Variants in XRCC6 observed in about 807,000 individuals in gnomAD.
XRCC6 encodes the protein DNA repair protein Ku70.
In XRCC6, 5 loss-of-function variants were observed where a neutral mutation model predicts 65.7. The observed-to-expected ratio is 0.08, with a 90% CI of 0.04 to 0.16. XRCC6 has a LOEUF of 0.16. Among genes scored for constraint, XRCC6 ranks in the 10% least tolerant of loss-of-function variants. The pLI is 1.00. For synonymous variants in XRCC6, 270 were observed against 270.6 expected (o/e 1.00, Z 0.02); for missense variants, 447 against 738.1 (o/e 0.61, Z 4.57).
chr22:41,625,624 G>T (rs2067661174), intron 2 of XRCC6, among the ~76,000 whole-genome samples: 1 of 152,094 alleles, frequency 6.6e-6, no homozygotes, highest in Non-Finnish European at 1.5e-5. Flanking sequence ...GCCTCTCTAG[G>T]TCCTTAGTAG....
chr22:41,660,499 A>AG (rs1377685607), intron 11 of XRCC6, among the ~76,000 whole-genome samples: 1 of 151,920 alleles, frequency 6.6e-6, no homozygotes, highest in African/African-American at 2.4e-5. Flanking sequence ...ACCCTCTTTC[A>AG]GTTCACCCTC....
At chr22:41,648,048 TCCC>T (rs2067954254) in intron 7 of XRCC6, 1 of 35,900 alleles carries the variant, frequency 2.8e-5, no homozygotes, top group Non-Finnish European at 6.1e-5. Context: ...TCCCCTCCCC[TCCC>T]CTCCCCTCCT....
intron 10 of XRCC6, among the ~76,000 whole-genome samples, chr22:41,657,296 T>C (rs2068053425): frequency 6.6e-6 from 1 of 152,158 alleles, no homozygotes; most frequent in Admixed American, 6.6e-5. Flanking sequence ...AGGATTCTTA[T>C]TCGCCCTTCT....
rs1403272875 is a variant in XRCC6 at position 41,661,202 on chromosome 22, AT to A, written c.1523-126del. 5.5e-6 allele frequency: 4 copies of A among 727,104 alleles called. No individual in the cohort carries two copies. The African/African-American group carries it at 7.1e-5, about 13-fold the overall frequency. The allele number at this position is 727,104 out of a possible 1,614,324, so 45.0% of individuals were successfully genotyped here. On this transcript the variant is annotated intron_variant, in intron 11 of 12. Transcript: ENST00000360079. ...GGTACTTGGTAAATGCTGGAAAGACATTTCCCTAGACCCCTCCCACCTTAGC... is the reference window on the plus strand; with the variant it reads ...GGTACTTGGTAAATGCTGGAAAGACATTCCCTAGACCCCTCCCACCTTAGC...
chr22:41,645,510 G>A (rs577358735), intron 6 of XRCC6, among the ~76,000 whole-genome samples: 6 of 152,038 alleles, frequency 3.9e-5, no homozygotes, highest in African/African-American at 1.2e-4. Context: ...AGATGAGAAC[G>A]TCCTATGGCC....
At position 41,658,315 on chromosome 22, in the gene XRCC6, G is replaced by A. The variant is rs762450127; in HGVS notation, c.1485G>A (p.Leu495=). The A allele has an allele frequency of 1.2e-5, 20 of 1,614,108 alleles. No individual in the cohort carries two copies. The highest frequency in any genetic ancestry group is 1.6e-5 in the Non-Finnish European group (19 of 1,180,020). ...TCAGGAACCTGGAGGCCTTGGCCTTGGATTTGATGGAGCCGGAACAAGCAG... is the reference window on the plus strand; with the variant it reads ...TCAGGAACCTGGAGGCCTTGGCCTTAGATTTGATGGAGCCGGAACAAGCAG... ...QHFRNLEALA[L]DLMEPEQAVD... Residue 495 remains leucine, a synonymous_variant, in exon 11 of 13, where the codon TTG becomes TTA. Coordinates refer to ENST00000360079, the MANE Select transcript of XRCC6 (RefSeq NM_001469.5).
chr22:41,651,747 C>T (rs188970748), intron 8 of XRCC6, among the ~76,000 whole-genome samples: 5 of 151,636 alleles, frequency 3.3e-5, no homozygotes, highest in South Asian at 4.2e-4. Context: ...AGTCTGGTCT[C>T]GAACTCCTGA....
At chr22:41,626,934 C>T (rs543580557) in intron 2 of XRCC6, among the ~76,000 whole-genome samples, 1 of 152,234 alleles carries the variant, frequency 6.6e-6, no homozygotes, top group South Asian at 2.1e-4. Context: ...GCCACTGCGC[C>T]CAGCCTAATG....
intron 9 of XRCC6, among the ~76,000 whole-genome samples, chr22:41,655,183 GAAAGTCATA>G (rs2068033568): frequency 6.6e-6 from 1 of 152,126 alleles, no homozygotes; most frequent in East Asian, 1.9e-4. Flanking sequence ...ATACTAAAGA[GAAAGTCATA>G]AAGTGCTTCC....
intron 4 of XRCC6, 41 bp from the exon 5 acceptor site, chr22:41,636,475 T>A: frequency 6.2e-7 from 1 of 1,605,034 alleles, no homozygotes; most frequent in Admixed American, 1.7e-5. Context: ...ACTGACATTC[T>A]TCTGATTTTT....
At chr22:41,662,557 G>T (rs1420135331) in intron 12 of XRCC6, among the ~76,000 whole-genome samples, 3 of 152,162 alleles carry the variant, frequency 2.0e-5, no homozygotes, top group Admixed American at 6.5e-5. Flanking sequence ...AGGCTGCAGA[G>T]TAGTTCATTG....
At chr22:41,643,736 A>G (rs1211652849) in intron 6 of XRCC6, among the ~76,000 whole-genome samples, 3 of 147,848 alleles carry the variant, frequency 2.0e-5, no homozygotes, top group Non-Finnish European at 4.5e-5. Flanking sequence ...CAGGAGAATC[A>G]CTTGAACTCG....
intron 9 of XRCC6, among the ~76,000 whole-genome samples, chr22:41,655,186 A>G (rs887600470): frequency 2.6e-5 from 4 of 152,340 alleles, no homozygotes; most frequent in African/African-American, 9.6e-5. Flanking sequence ...CTAAAGAGAA[A>G]GTCATAAAGT....
At chr22:41,659,688 T>A (rs2068082177) in intron 11 of XRCC6, among the ~76,000 whole-genome samples, 2 of 152,050 alleles carry the variant, frequency 1.3e-5, no homozygotes, top group African/African-American at 4.8e-5. Flanking sequence ...CTCAGTACAT[T>A]CATTCATTCA....
intron 2 of XRCC6, among the ~76,000 whole-genome samples, chr22:41,625,374 T>G (rs1423965291): frequency 1.3e-5 from 2 of 151,946 alleles, no homozygotes; most frequent in Non-Finnish European, 2.9e-5. Context: ...GGCTGTAATC[T>G]CAGCACTTTG....
chr22:41,621,537 T>G (rs2067604169), intron 1 of XRCC6, 192 bp downstream of exon 1: 1 of 167,260 alleles, frequency 6.0e-6, no homozygotes, highest in East Asian at 1.8e-4. Context: ...ACCTCGCGTT[T>G]GAGGCCCGCC....
In XRCC6 at chr22:41,622,101, C is replaced by T. The variant is rs1420530378; in HGVS notation, c.82+15C>T. On this transcript the variant is annotated intron_variant, in intron 2 of 12. Coordinates refer to ENST00000360079, the MANE Select transcript of XRCC6 (RefSeq NM_001469.5). ...TGAAGCAAGTGGTAAGTGACTTCAG[C>T]ATGTAGTGCCATTCGGTGTGTGGAA... The T allele has an allele frequency of 1.2e-6, 2 of 1,613,538 alleles. No individual in the cohort carries two copies. The highest frequency in any genetic ancestry group is 1.3e-5 in the African/African-American group (1 of 74,930).
At chr22:41,637,287 G>A (rs1180696367) in intron 5 of XRCC6, among the ~76,000 whole-genome samples, 4 of 151,976 alleles carry the variant, frequency 2.6e-5, no homozygotes, top group South Asian at 4.2e-4. Flanking sequence ...GTTTCACCAC[G>A]TTGACCAGGC....
chr22:41,643,645 G>A (rs1252184295), intron 6 of XRCC6, among the ~76,000 whole-genome samples: 1 of 151,634 alleles, frequency 6.6e-6, no homozygotes, highest in African/African-American at 2.4e-5. Flanking sequence ...ACATGGCGAA[G>A]CACCGTCTCT....
Sources: allele counts gnomAD v4.1 joint callset (sites outside exome capture counted in the v4.1 genomes callset), GRCh38; gene constraint gnomAD v4.1.1; transcripts MANE v1.5; gene names NCBI Gene and HGNC (gene_info 2026-07-23, HGNC 2026-07-21).